MVB12B: variants seen among roughly 807,000 people sequenced by gnomAD.
MVB12B encodes the protein ESCRT-I complex subunit MVB12B.
Under a neutral mutation model 41.6 loss-of-function variants are expected in MVB12B, and 16 were observed. The ratio of observed to expected loss-of-function variants is 0.38; its 90% CI spans 0.26 to 0.58. MVB12B has a LOEUF of 0.58. Among genes scored for constraint, MVB12B ranks in the 20% least tolerant of loss-of-function variants. The pLI is 0.62. For synonymous variants in MVB12B, 133 were observed against 139.7 expected (o/e 0.95, Z 0.34); for missense variants, 274 against 380.2 (o/e 0.72, Z 2.32).
intron 6 of MVB12B, among the ~76,000 whole-genome samples, chr9:126,416,128 G>T (rs544410225): frequency 6.6e-6 from 1 of 152,238 alleles, no homozygotes; most frequent in Admixed American, 6.5e-5. Context: ...CAGAGGAAAG[G>T]CCCCGTGGGT....
rs546203508 is a variant in MVB12B at position 126,490,658 on chromosome 9, G to T, written c.873+6626G>T. 3.9e-5 allele frequency among the ~76,000 whole-genome samples: 6 copies of T among 152,342 alleles called. No individual in the cohort carries two copies. The South Asian group carries it at 1.0e-3, about 26-fold the overall frequency. On this transcript the variant is annotated intron_variant, in intron 9 of 9. Coordinates refer to ENST00000361171, the MANE Select transcript of MVB12B (RefSeq NM_033446.3). ...TGAGGGAGGGTCTAATTAGTAAAGG[G>T]ATGCTCTAATATTAATCACCCGCTT...
chr9:126,405,305 C>T (rs1328250893), intron 6 of MVB12B, among the ~76,000 whole-genome samples: 1 of 151,880 alleles, frequency 6.6e-6, no homozygotes, highest in African/African-American at 2.4e-5. Context: ...CCTTCTGAGT[C>T]CAGCTCGCGA....
chr9:126,358,523 T>C (rs1375128555), intron 2 of MVB12B, among the ~76,000 whole-genome samples: 1 of 152,212 alleles, frequency 6.6e-6, no homozygotes, highest in Admixed American at 6.5e-5. Flanking sequence ...AGTCTGCAGA[T>C]CTTTTGTCTA....
At chr9:126,330,695 A>G (rs1829106226) in intron 1 of MVB12B, among the ~76,000 whole-genome samples, 1 of 152,208 alleles carries the variant, frequency 6.6e-6, no homozygotes, top group African/African-American at 2.4e-5. Flanking sequence ...ACTGTGGTGC[A>G]ACTAAGCTCC....
intron 6 of MVB12B, among the ~76,000 whole-genome samples, chr9:126,407,670 C>T (rs1293634301): frequency 6.6e-6 from 1 of 152,138 alleles, no homozygotes; most frequent in Non-Finnish European, 1.5e-5. Flanking sequence ...TGCCTTTAAT[C>T]ACCGCGAGGG....
intron 1 of MVB12B, chr9:126,335,139 T>C (rs1829239533): frequency 5.9e-6 from 5 of 851,958 alleles, no homozygotes; most frequent in Non-Finnish European, 7.6e-6. Flanking sequence ...ATATTTGCCT[T>C]AGTTGCCCAA....
intron 7 of MVB12B, among the ~76,000 whole-genome samples, chr9:126,438,391 G>A (rs1466489843): frequency 6.8e-6 from 1 of 147,998 alleles, no homozygotes; most frequent in Admixed American, 6.8e-5. Flanking sequence ...TTACACTTTA[G>A]TGTAAAGTAT....
At chr9:126,416,806 C>A (rs1187936108) in intron 6 of MVB12B, among the ~76,000 whole-genome samples, 1 of 152,118 alleles carries the variant, frequency 6.6e-6, no homozygotes, top group Non-Finnish European at 1.5e-5. Flanking sequence ...TTGAGGACCC[C>A]CAGCCCAGGT....
chr9:126,451,000 C>T (rs185888930), intron 7 of MVB12B, among the ~76,000 whole-genome samples: 27 of 152,330 alleles, frequency 1.8e-4, no homozygotes, highest in African/African-American at 6.3e-4. Flanking sequence ...GCCTTTCTCC[C>T]ATGGTGACTG....
At chr9:126,495,353 G>A (rs1564351842) in intron 9 of MVB12B, among the ~76,000 whole-genome samples, 2 of 152,186 alleles carry the variant, frequency 1.3e-5, no homozygotes, top group South Asian at 2.1e-4. Flanking sequence ...TGGGGAGAGC[G>A]AGGCGAGAGC....
At chr9:126,420,199 G>T (rs2119085689) in intron 6 of MVB12B, among the ~76,000 whole-genome samples, 1 of 152,360 alleles carries the variant, frequency 6.6e-6, no homozygotes, top group South Asian at 2.1e-4. Flanking sequence ...GTTGCACTGT[G>T]ATTTGTTTCT....
intron 6 of MVB12B, among the ~76,000 whole-genome samples, chr9:126,418,670 G>A (rs1205270423): frequency 2.6e-5 from 4 of 152,026 alleles, no homozygotes; most frequent in Non-Finnish European, 4.4e-5. Context: ...TGGCCCCACC[G>A]TCTTCCTGGC....
chr9:126,338,931 A>T (rs1398670204), intron 1 of MVB12B, among the ~76,000 whole-genome samples: 1 of 152,214 alleles, frequency 6.6e-6, no homozygotes, highest in Non-Finnish European at 1.5e-5. Flanking sequence ...ATGCAGATAA[A>T]CCTGCCTGGT....
chr9:126,472,461 T>A (rs1833333852), intron 7 of MVB12B, among the ~76,000 whole-genome samples: 1 of 98,906 alleles, frequency 1.0e-5, no homozygotes. Context: ...GGCATTCAGG[T>A]CAGCTGGCAA....
At chr9:126,445,782 C>T (rs1476194812) in intron 7 of MVB12B, among the ~76,000 whole-genome samples, 1 of 152,120 alleles carries the variant, frequency 6.6e-6, no homozygotes, top group Non-Finnish European at 1.5e-5. Context: ...AGGCTTCTGC[C>T]ACTCCACCTG....
chr9:126,413,818 T>TTGTGTG (rs34089808), intron 6 of MVB12B, among the ~76,000 whole-genome samples: 623 of 109,476 alleles, frequency 5.7e-3, no homozygotes, highest in Non-Finnish European at 7.8e-3. Flanking sequence ...ACCCCATTGG[T>TTGTGTG]TGTGTGTGTG....
chr9:126,490,398 G>A (rs887651), intron 9 of MVB12B, among the ~76,000 whole-genome samples: 30,763 of 152,136 alleles, frequency 0.2, 3,689 homozygotes, highest in South Asian at 0.28. Context: ...TGTGAGAACA[G>A]GAGTGAACCA....
At chr9:126,370,669 A>G (rs1830312568) in intron 2 of MVB12B, among the ~76,000 whole-genome samples, 1 of 151,982 alleles carries the variant, frequency 6.6e-6, no homozygotes, top group South Asian at 2.1e-4. Context: ...GGTGTGAGTC[A>G]CCGCGCCTGG....
chr9:126,480,918 A>T lies in MVB12B; in HGVS notation c.758-451A>T, dbSNP rs1833510926. On this transcript the variant is annotated intron_variant, in intron 7 of 9. Coordinates refer to ENST00000361171, the MANE Select transcript of MVB12B (RefSeq NM_033446.3). This position sits in a 1 kb window ranked among gnomAD's most constrained non-coding sequence, Gnocchi z 4.9. The stretch of plus-strand genomic sequence containing the variant: ...CCTGAGCTCCTCTTTCCTCCCACTT[A>T]GTCTTTTCCCCTGAGTCCAACAGCA... 6.4e-6 allele frequency: 1 copy of T among 156,672 alleles called. No homozygotes were observed. The highest frequency in any genetic ancestry group is 1.4e-5 in the Non-Finnish European group (1 of 71,416). 9.7% of individuals were successfully genotyped at this position (156,672 alleles called of 1,614,324 possible). A position where few individuals can be genotyped will look rare whatever the true frequency, so the allele number is the denominator to read the frequency against.
Sources: gnomAD v4.1 joint callset for allele counts (sites outside exome capture counted in the v4.1 genomes callset) on GRCh38, gnomAD v4.1.1 for gene constraint, Gnocchi (gnomAD v3.1) non-coding constraint, MANE v1.5 for transcripts, NCBI Gene and HGNC (gene_info 2026-07-23, HGNC 2026-07-21) for gene names.